The following CST8 variants were observed in gnomAD, a reference collection of about 807,000 sequenced individuals.
The protein encoded by CST8 is cystatin 8.
CST8 carries 20 observed loss-of-function variants against 11.8 expected under a neutral mutation model. The observed-to-expected ratio is 1.70, with a 90% confidence interval of 1.20 to 2.47. CST8 has a LOEUF of 2.47. Among genes scored for constraint, CST8 ranks in the 30% most tolerant of loss-of-function variants. The pLI is 0.00. For missense variants in CST8, 196 were observed against 167.2 expected, an observed-to-expected ratio of 1.17 and a Z score of -0.95; for synonymous variants, 77 against 63.1, an observed-to-expected ratio of 1.22 and a Z score of -1.05.
At chr20:23,503,675 T>C in the CST8 span, among the ~76,000 whole-genome samples, 2 of 152,228 alleles carry the variant, frequency 1.3e-5, no homozygotes, top group African/African-American at 4.8e-5. Context: ...GAAGTCATTA[T>C]TTTCCTAGGT....
chr20:23,503,783 G>A, the CST8 span, among the ~76,000 whole-genome samples: 3 of 152,234 alleles, frequency 2.0e-5, no homozygotes, highest in Non-Finnish European at 4.4e-5. Context: ...ACTGCGCCCC[G>A]CCACTCTCAG....
At chr20:23,491,991 A>G (rs1327892813) in intron 2 of CST8, 93 bp downstream of exon 2, 2 of 975,192 alleles carry the variant, frequency 2.1e-6, no homozygotes, top group African/African-American at 1.6e-5. Context: ...AAATATCACT[A>G]TGCAAAAATC....
chr20:23,501,579 G>C, the CST8 span, among the ~76,000 whole-genome samples: 2 of 152,220 alleles, frequency 1.3e-5, no homozygotes, highest in Non-Finnish European at 2.9e-5. Context: ...AGATGTCTTT[G>C]ATGGACATGC....
chr20:23,498,289 T>C (rs1254010044), downstream of CST8, among the ~76,000 whole-genome samples: 1 of 152,228 alleles, frequency 6.6e-6, no homozygotes, highest in Non-Finnish European at 1.5e-5. Flanking sequence ...GTATGTATTT[T>C]GCCATAATTA....
At position 23,491,723 on chromosome 20, in the gene CST8, T is replaced by C; in HGVS notation, c.56T>C (p.Val19Ala). 6.2e-7 allele frequency: 1 copy of C among 1,613,912 alleles called. No homozygotes were observed. Among genetic ancestry groups the C allele is most frequent in the Middle Eastern group, 1.6e-4 (1 of 6,062 alleles). ...CTCCTCACCATTCCCCTGGCCCTGG[T>C]GGCCAGGAAAGACCCAAAAAAGAAT... ...LILLTIPLAL[V>A]ARKDPKKNET... Residue 19 changes from valine (V) to alanine (A), a missense_variant, in exon 2 of 4, where the codon GTG (valine) becomes GCG (alanine). Coordinates refer to ENST00000246012, the MANE Select transcript of CST8 (RefSeq NM_005492.4).
intron 3 of CST8, among the ~76,000 whole-genome samples, 177 bp downstream of exon 3, chr20:23,493,248 T>C (rs1054547817): frequency 2.0e-4 from 30 of 152,134 alleles, no homozygotes; most frequent in African/African-American, 7.2e-4. Context: ...GGTGGAACCC[T>C]CTGAGCTTCT....
chr20:23,491,718 C>T lies in CST8; in HGVS notation c.51C>T (p.Ala17=). ...LSLILLTIPL[A]LVARKDPKKN... is the part of the protein sequence containing the mutation. Reference sequence around the variant, plus strand: ...TGATCCTCCTCACCATTCCCCTGGCCCTGGTGGCCAGGAAAGACCCAAAAA... The same window carrying T: ...TGATCCTCCTCACCATTCCCCTGGCTCTGGTGGCCAGGAAAGACCCAAAAA... The change falls in exon 2 of 4, where the codon GCC becomes GCT. Residue 17 remains alanine (A), a synonymous_variant. Coordinates refer to ENST00000246012, the MANE Select transcript of CST8 (RefSeq NM_005492.4). 6.2e-7 allele frequency: 1 copy of T among 1,613,974 alleles called. No individual in the cohort carries two copies. The highest frequency in any genetic ancestry group is 8.5e-7 in the Non-Finnish European group (1 of 1,179,934).
At chr20:23,501,396 A>G in the CST8 span, among the ~76,000 whole-genome samples, 1 of 152,212 alleles carries the variant, frequency 6.6e-6, no homozygotes, top group Non-Finnish European at 1.5e-5. Context: ...CCAGGGCATC[A>G]GGTTTGTCCG....
At chr20:23,501,783 A>G in the CST8 span, among the ~76,000 whole-genome samples, 148 of 152,362 alleles carry the variant, frequency 9.7e-4, 1 homozygote, top group African/African-American at 3.4e-3. Flanking sequence ...GCCTGAAGAC[A>G]ATAAAATGAA....
At chr20:23,497,192 A>G (rs1332043622), downstream of CST8, among the ~76,000 whole-genome samples, 2 of 152,244 alleles carry the variant, frequency 1.3e-5, no homozygotes, top group Non-Finnish European at 2.9e-5. Flanking sequence ...CAGGCATAAG[A>G]AATTATAACA....
downstream of CST8, among the ~76,000 whole-genome samples, chr20:23,498,517 C>T (rs1438585983): frequency 6.6e-6 from 1 of 152,196 alleles, no homozygotes; most frequent in Non-Finnish European, 1.5e-5. Flanking sequence ...CTGACTTAGC[C>T]AATGCGTGTT....
the CST8 span, among the ~76,000 whole-genome samples, chr20:23,501,069 G>A: frequency 2.0e-5 from 3 of 152,128 alleles, no homozygotes; most frequent in Admixed American, 6.5e-5. Flanking sequence ...TAAATTTACT[G>A]TTAACTTGTG....
At chr20:23,495,780 T>TC (rs1988026405) in intron 3 of CST8, 51 bp from the exon 4 acceptor site, 1 of 1,139,914 alleles carries the variant, frequency 8.8e-7, no homozygotes, top group Non-Finnish European at 1.2e-6. Context: ...CTTTTCTTTT[T>TC]TTTTTTTTTT....
At chr20:23,498,939 T>A (rs1371774915), downstream of CST8, among the ~76,000 whole-genome samples, 1 of 152,196 alleles carries the variant, frequency 6.6e-6, no homozygotes, top group African/African-American at 2.4e-5. Context: ...TTCCAGGGGC[T>A]CCCAGTGGCT....
rs764442512 is a variant in CST8 at position 23,491,862 on chromosome 20, C to G, written c.195C>G (p.Val65=). 2.5e-6 allele frequency: 4 copies of G among 1,614,086 alleles called. No homozygotes were observed. Among genetic ancestry groups the G allele is most frequent in the Non-Finnish European group, 3.4e-6 (4 of 1,180,032 alleles). The stretch of plus-strand genomic sequence containing the variant: ...ACAAAGAGAGCGAGGACAAGTATGT[C>G]TTCCTGGTGGTCAAGACACTGCAAG... The part of the protein sequence containing the change: ...EYNKESEDKY[V]FLVVKTLQAQ... Residue 65 remains valine (V), a synonymous_variant, in exon 2 of 4, where the codon GTC becomes GTG. Coordinates refer to ENST00000246012, the MANE Select transcript of CST8 (RefSeq NM_005492.4).
downstream of CST8, among the ~76,000 whole-genome samples, chr20:23,497,869 A>T (rs987011849): frequency 6.6e-6 from 1 of 152,194 alleles, no homozygotes; most frequent in Non-Finnish European, 1.5e-5. Flanking sequence ...GAGATTTCAA[A>T]CCATATCACT....
At chr20:23,501,956 C>T in the CST8 span, among the ~76,000 whole-genome samples, 1 of 152,174 alleles carries the variant, frequency 6.6e-6, no homozygotes, top group African/African-American at 2.4e-5. Flanking sequence ...CTTTGCTAAC[C>T]GTATTCCTGG....
chr20:23,505,139 C>CTTTTTT, the CST8 span, among the ~76,000 whole-genome samples: 81 of 82,014 alleles, frequency 9.9e-4, 1 homozygote, highest in African/African-American at 3.5e-3. Flanking sequence ...AAGAAGCATT[C>CTTTTTT]TTTTTTTTTT....
chr20:23,505,545 C>G, the CST8 span, among the ~76,000 whole-genome samples: 5 of 152,170 alleles, frequency 3.3e-5, no homozygotes, highest in African/African-American at 9.7e-5. Context: ...CACACCCCAG[C>G]CAAGGGCTGC....
Sources: gnomAD v4.1 joint callset for allele counts (sites outside exome capture counted in the v4.1 genomes callset) on GRCh38, gnomAD v4.1.1 for gene constraint, MANE v1.5 for transcripts, NCBI Gene and HGNC (gene_info 2026-07-23, HGNC 2026-07-21) for gene names.